Variants in CNTNAP2 observed in about 807,000 individuals in gnomAD.
CNTNAP2 encodes contactin associated protein 2, also known as contactin-associated protein-like 2.
In CNTNAP2, 98 loss-of-function variants were observed where a neutral mutation model predicts 155.2. That is an observed-to-expected ratio of 0.63 (90% CI 0.54 to 0.75). The LOEUF (loss-of-function observed/expected upper bound fraction) is 0.75. Ranked by LOEUF, CNTNAP2 falls within the 30% of genes least tolerant of loss-of-function variation. The pLI is 0.00. For synonymous variants in CNTNAP2, 651 were observed against 631.2 expected (o/e 1.03, Z -0.47); for missense variants, 1,727 against 1,688.1 (o/e 1.02, Z -0.40).
At chr7:146,640,960 G>A (rs1799694879) in intron 1 of CNTNAP2, among the ~76,000 whole-genome samples, 1 of 152,164 alleles carries the variant, frequency 6.6e-6, no homozygotes, top group African/African-American at 2.4e-5. Flanking sequence ...GGGAGAAAAT[G>A]CCTAAAATGT....
At chr7:147,466,563 G>C (rs1263899867) in intron 10 of CNTNAP2, among the ~76,000 whole-genome samples, 4 of 152,132 alleles carry the variant, frequency 2.6e-5, no homozygotes, top group Non-Finnish European at 4.4e-5. Flanking sequence ...TTTTGCTTCT[G>C]AGACTGCCAC....
At position 146,275,184 on chromosome 7, in the gene CNTNAP2, AT is replaced by A. The variant is rs1292650416; in HGVS notation, c.97+158216del. On this transcript the variant is annotated intron_variant, in intron 1 of 23. Transcript: ENST00000361727. ...TCATTTTCTGTATCAAATAGATAAGATTTTTCACATGGATCTTTTGTCATGT... is the reference window on the plus strand; with the variant it reads ...TCATTTTCTGTATCAAATAGATAAGATTTTCACATGGATCTTTTGTCATGT... Among the ~76,000 whole-genome samples the A allele has an allele frequency of 1.1e-4, 17 of 152,138 alleles. 1 individual carries two copies. Among genetic ancestry groups the A allele is most frequent in the Admixed American group, 1.1e-3 (17 of 15,276 alleles).
At chr7:147,294,936 A>G (rs546133548) in intron 8 of CNTNAP2, among the ~76,000 whole-genome samples, 32 of 152,290 alleles carry the variant, frequency 2.1e-4, no homozygotes, top group African/African-American at 7.2e-4. Flanking sequence ...CTGGGATTGC[A>G]GGTGTGAGCC....
At chr7:147,575,193 TG>T (rs1800368101) in intron 12 of CNTNAP2, among the ~76,000 whole-genome samples, 1 of 27,654 alleles carries the variant, frequency 3.6e-5, no homozygotes, top group Non-Finnish European at 7.5e-5. Context: ...TATGTGTGTG[TG>T]TGTGTGTGTA....
intron 16 of CNTNAP2, among the ~76,000 whole-genome samples, chr7:148,146,710 T>C (rs1585150932): frequency 6.6e-6 from 1 of 152,214 alleles, no homozygotes; most frequent in East Asian, 1.9e-4. Context: ...GCACAGGTGG[T>C]CATAAAATGT....
chr7:147,494,303 CA>C (rs1333003292), intron 11 of CNTNAP2, among the ~76,000 whole-genome samples: 1 of 152,080 alleles, frequency 6.6e-6, no homozygotes, highest in Non-Finnish European at 1.5e-5. Flanking sequence ...TGGAGAAACA[CA>C]GCCCAAGGAC....
chr7:147,972,150 A>C (rs1334289794), intron 14 of CNTNAP2, among the ~76,000 whole-genome samples: 1 of 152,198 alleles, frequency 6.6e-6, no homozygotes, highest in Non-Finnish European at 1.5e-5. Flanking sequence ...TTGTACTTAT[A>C]TCTATGAGAT....
At chr7:146,977,070 A>G (rs974568195) in intron 3 of CNTNAP2, among the ~76,000 whole-genome samples, 1 of 152,190 alleles carries the variant, frequency 6.6e-6, no homozygotes, top group African/African-American at 2.4e-5. Flanking sequence ...TGAGGTCTAA[A>G]GAACCCCAAC....
intron 6 of CNTNAP2, chr7:147,121,826 C>T (rs1456826643): frequency 6.6e-6 from 1 of 152,172 alleles, no homozygotes; most frequent in Non-Finnish European, 1.5e-5. Flanking sequence ...ATTTGGAGAG[C>T]AATTCAACCT....
rs113964887 is a variant in CNTNAP2, at chr7:146,696,130, G to T, written c.98-78141G>T. On this transcript the variant is annotated intron_variant, in intron 1 of 23. Transcript: ENST00000361727. ...AAAATTGACTTAAATTCTTCCTTGG[G>T]AGTTTGGTAGATTCACCAGTGGAAA... is the stretch of plus-strand genomic sequence containing the variant. Among the ~76,000 whole-genome samples the T allele has an allele frequency of 1.7e-3, 264 of 152,180 alleles. 1 individual carries two copies. Among genetic ancestry groups the T allele is most frequent in the Admixed American group, 3.6e-3 (55 of 15,270 alleles).
intron 12 of CNTNAP2, among the ~76,000 whole-genome samples, chr7:147,612,863 A>T (rs1801213619): frequency 6.6e-6 from 1 of 152,204 alleles, no homozygotes. Context: ...CTCATGTTTC[A>T]TAAATATACT....
chr7:146,230,517 G>C (rs927302686), intron 1 of CNTNAP2, among the ~76,000 whole-genome samples: 3 of 151,844 alleles, frequency 2.0e-5, no homozygotes, highest in African/African-American at 4.8e-5. Flanking sequence ...TCTTTGCATG[G>C]GTAAAGAATA....
chr7:146,932,316 A>G (rs1250233845), intron 3 of CNTNAP2, among the ~76,000 whole-genome samples: 1 of 151,536 alleles, frequency 6.6e-6, no homozygotes, highest in East Asian at 1.9e-4. Context: ...CAGCATATAA[A>G]CAGAACCAAA....
At chr7:148,047,465 G>C (rs766872101) in intron 15 of CNTNAP2, among the ~76,000 whole-genome samples, 3 of 152,090 alleles carry the variant, frequency 2.0e-5, no homozygotes, top group Non-Finnish European at 4.4e-5. Flanking sequence ...GCACATCACA[G>C]CCTTCTTGTG....
intron 13 of CNTNAP2, among the ~76,000 whole-genome samples, chr7:147,873,503 A>T (rs1377283253): frequency 6.6e-6 from 1 of 152,178 alleles, no homozygotes; most frequent in Non-Finnish European, 1.5e-5. Context: ...ATCTTGTGAG[A>T]CTTATTCACT....
chr7:146,525,939 A>T (rs1032887983), intron 1 of CNTNAP2, among the ~76,000 whole-genome samples: 1 of 152,180 alleles, frequency 6.6e-6, no homozygotes, highest in East Asian at 1.9e-4. Flanking sequence ...ATGGAGCCAC[A>T]CAGTGGATTA....
chr7:148,126,740 A>G (rs1038183690), intron 16 of CNTNAP2, among the ~76,000 whole-genome samples: 10 of 152,164 alleles, frequency 6.6e-5, no homozygotes, highest in African/African-American at 2.4e-4. Flanking sequence ...AGTGACCACA[A>G]TATGAACGGG....
intron 8 of CNTNAP2, among the ~76,000 whole-genome samples, chr7:147,224,906 A>G (rs1803486962): frequency 6.6e-6 from 1 of 152,118 alleles, no homozygotes; most frequent in Non-Finnish European, 1.5e-5. Flanking sequence ...TTATTAGTAG[A>G]TAGGGCTATT....
At chr7:148,113,119 T>G (rs1563203345) in intron 15 of CNTNAP2, among the ~76,000 whole-genome samples, 1 of 152,202 alleles carries the variant, frequency 6.6e-6, no homozygotes, top group Non-Finnish European at 1.5e-5. Context: ...GTTCTTGCAC[T>G]GCTGTAAAAA....
Sources: gnomAD v4.1 joint callset for allele counts (sites outside exome capture counted in the v4.1 genomes callset) on GRCh38, gnomAD v4.1.1 for gene constraint, MANE v1.5 for transcripts, NCBI Gene and HGNC (gene_info 2026-07-23, HGNC 2026-07-21) for gene names.